Variants in RBFOX1 observed in about 807,000 individuals in gnomAD.
RBFOX1 encodes RNA binding protein fox-1 homolog 1.
Under a neutral mutation model 57.7 loss-of-function variants are expected in RBFOX1, and 8 were observed. That is an observed-to-expected ratio of 0.14 (90% CI 0.08 to 0.25). RBFOX1 has a LOEUF of 0.25. Among genes scored for constraint, RBFOX1 ranks in the 10% least tolerant of loss-of-function variants. The pLI, the probability that RBFOX1 is intolerant of heterozygous loss-of-function variation, is 1.00. For synonymous variants in RBFOX1, 326 were observed against 222.4 expected (o/e 1.47, Z -4.15); for missense variants, 611 against 548.5 (o/e 1.11, Z -1.14).
At chr16:6,875,608 G>C (rs550258486) in intron 3 of RBFOX1, among the ~76,000 whole-genome samples, 3 of 152,346 alleles carry the variant, frequency 2.0e-5, no homozygotes, top group African/African-American at 7.2e-5. Context: ...TATTTCAGCA[G>C]AGAAGGTTAG....
chr16:5,566,584 G>A (rs1021664771), intron 2 of RBFOX1, among the ~76,000 whole-genome samples: 14 of 149,442 alleles, frequency 9.4e-5, no homozygotes, highest in Non-Finnish European at 1.6e-4. Flanking sequence ...ATATATATAT[G>A]TATATATGTG....
intron 2 of RBFOX1, among the ~76,000 whole-genome samples, chr16:6,495,422 C>T (rs953768598): frequency 2.6e-5 from 4 of 151,738 alleles, no homozygotes; most frequent in East Asian, 1.9e-4. Context: ...TGAGCTTCCG[C>T]GCCTGGCAGA....
rs143510258 is a variant in RBFOX1, at chr16:6,690,229, G to C, written c.-16+35579G>C. Among the ~76,000 whole-genome samples, 1,222 of 152,244 alleles carry C rather than the reference G, an allele frequency of 8.0e-3. 8 individuals are homozygous for C. The highest frequency in any genetic ancestry group is 0.01 in the Non-Finnish European group (714 of 68,010). The stretch of plus-strand genomic sequence containing the variant: ...AAAAAGAGTTTACTTTAAAGAGCAT[G>C]ACTCTCTAAGAAGATATTTGATTTT... On this transcript the variant is annotated intron_variant, in intron 3 of 15. Transcript: ENST00000550418.
At chr16:5,822,389 C>T (rs1339049146) in intron 3 of RBFOX1, among the ~76,000 whole-genome samples, 3 of 152,056 alleles carry the variant, frequency 2.0e-5, no homozygotes, top group Non-Finnish European at 4.4e-5. Flanking sequence ...AAATAACTTA[C>T]TCATGTAACC....
At chr16:7,327,733 A>G (rs935545528) in intron 4 of RBFOX1, among the ~76,000 whole-genome samples, 1 of 152,188 alleles carries the variant, frequency 6.6e-6, no homozygotes, top group African/African-American at 2.4e-5. Flanking sequence ...ATGTGGCTCA[A>G]CATGCCTAGA....
intron 3 of RBFOX1, among the ~76,000 whole-genome samples, chr16:5,759,586 G>A (rs2053522755): frequency 6.6e-6 from 1 of 152,160 alleles, no homozygotes; most frequent in Non-Finnish European, 1.5e-5. Flanking sequence ...CAGAACATGA[G>A]GTTCCTTTTG....
intron 4 of RBFOX1, among the ~76,000 whole-genome samples, chr16:5,896,299 C>T (rs933593601): frequency 6.6e-6 from 1 of 152,094 alleles, no homozygotes; most frequent in African/African-American, 2.4e-5. Context: ...GGTGGGGCCT[C>T]CTGGGAGGTG....
intron 3 of RBFOX1, among the ~76,000 whole-genome samples, chr16:6,812,396 G>A (rs899873395): frequency 1.3e-4 from 20 of 151,918 alleles, no homozygotes; most frequent in African/African-American, 4.4e-4. Flanking sequence ...TTTTTGAGAC[G>A]GAGTCTGGGT....
In RBFOX1 at chr16:5,252,288, G is replaced by A. The variant is rs116728964; in HGVS notation, c.219+12183G>A. 1.2e-3 allele frequency among the ~76,000 whole-genome samples: 182 copies of A among 152,328 alleles called. 1 individual carries two copies. The highest frequency in any genetic ancestry group is 4.2e-3 in the African/African-American group (175 of 41,578). ...TATTTATGCAGGGTTAGGCTTTCCA[G>A]GAGGTCCAGTTAAACCTGAATTTCT... On this transcript the variant is annotated intron_variant, in intron 1 of 2. Coordinates refer to the RBFOX1 transcript ENST00000585867.
At chr16:6,600,716 C>G (rs947844810) in intron 2 of RBFOX1, among the ~76,000 whole-genome samples, 6 of 151,980 alleles carry the variant, frequency 3.9e-5, no homozygotes, top group African/African-American at 1.2e-4. Context: ...AGGAAACAGC[C>G]CCGTTATGAA....
At chr16:5,313,789 T>A (rs2064156584) in intron 1 of RBFOX1, among the ~76,000 whole-genome samples, 1 of 151,830 alleles carries the variant, frequency 6.6e-6, no homozygotes, top group Admixed American at 6.6e-5. Flanking sequence ...TCCCACTAGG[T>A]CCCTCCCACA....
intron 14 of RBFOX1, among the ~76,000 whole-genome samples, chr16:7,703,980 A>G (rs1195634871): frequency 6.6e-6 from 1 of 152,232 alleles, no homozygotes; most frequent in Non-Finnish European, 1.5e-5. Flanking sequence ...GAAGCCATGT[A>G]TCATAATCTC....
At chr16:6,361,203 C>G (rs2088435955) in intron 2 of RBFOX1, among the ~76,000 whole-genome samples, 1 of 152,002 alleles carries the variant, frequency 6.6e-6, no homozygotes, top group South Asian at 2.1e-4. Context: ...GAATGGGACC[C>G]AGTGTCGAGG....
intron 1 of RBFOX1, among the ~76,000 whole-genome samples, chr16:5,264,885 C>T (rs1402036588): frequency 6.6e-6 from 1 of 152,130 alleles, no homozygotes; most frequent in Non-Finnish European, 1.5e-5. Flanking sequence ...CCCCACACCT[C>T]CCTGCAGATG....
intron 2 of RBFOX1, among the ~76,000 whole-genome samples, chr16:6,606,523 TC>T (rs2097928790): frequency 6.6e-6 from 1 of 152,030 alleles, no homozygotes; most frequent in African/African-American, 2.4e-5. Context: ...CCCTCCTCCT[TC>T]CCCTCTACGA....
intron 2 of RBFOX1, among the ~76,000 whole-genome samples, chr16:6,640,462 A>T (rs2098478003): frequency 6.6e-6 from 1 of 152,032 alleles, no homozygotes; most frequent in Admixed American, 6.6e-5. Context: ...TGCAGAAATT[A>T]GCCAGGCATA....
At chr16:7,553,206 G>A (rs761788697) in intron 5 of RBFOX1, among the ~76,000 whole-genome samples, 7 of 152,070 alleles carry the variant, frequency 4.6e-5, no homozygotes, top group Non-Finnish European at 7.3e-5. Flanking sequence ...GTGCAGTGGT[G>A]CAATCATAGC....
chr16:7,283,166 G>T (rs538993261), intron 4 of RBFOX1, among the ~76,000 whole-genome samples: 9 of 152,094 alleles, frequency 5.9e-5, no homozygotes, highest in Non-Finnish European at 1.3e-4. Context: ...GGTCTTTAAG[G>T]AATCTCCACA....
At chr16:5,586,678 C>T (rs2046839689) in intron 2 of RBFOX1, among the ~76,000 whole-genome samples, 1 of 152,074 alleles carries the variant, frequency 6.6e-6, no homozygotes, top group Non-Finnish European at 1.5e-5. Context: ...TTTTTTCTGC[C>T]TGTAGAGAGG....
Sources: allele counts gnomAD v4.1 joint callset (sites outside exome capture counted in the v4.1 genomes callset), GRCh38; gene constraint gnomAD v4.1.1; transcripts MANE v1.5; gene names NCBI Gene and HGNC (gene_info 2026-07-23, HGNC 2026-07-21).